PPP3CA: variants seen among roughly 807,000 people sequenced by gnomAD.
PPP3CA encodes the protein CAM-PRP catalytic subunit.
Under a neutral mutation model 66.5 loss-of-function variants are expected in PPP3CA, and 14 were observed. The observed-to-expected ratio is 0.21, with a 90% confidence interval of 0.14 to 0.33. The LOEUF (loss-of-function observed/expected upper bound fraction) is 0.33, where lower values mean the gene tolerates loss of function less well. PPP3CA is among the 10% of genes least tolerant of loss of function. The pLI, the probability that PPP3CA is intolerant of heterozygous loss-of-function variation, is 1.00. For missense variants in PPP3CA, 317 were observed against 639.5 expected, an observed-to-expected ratio of 0.50 and a Z score of 5.44; for synonymous variants, 232 against 226.2, an observed-to-expected ratio of 1.03 and a Z score of -0.23.
intron 1 of PPP3CA, among the ~76,000 whole-genome samples, chr4:101,264,754 A>C (rs1727117648): frequency 6.6e-6 from 1 of 152,222 alleles, no homozygotes; most frequent in African/African-American, 2.4e-5. Context: ...ATTCAAGAAA[A>C]GACAACAAAC....
At chr4:101,062,427 A>G (rs973134146) in intron 9 of PPP3CA, among the ~76,000 whole-genome samples, 1 of 152,038 alleles carries the variant, frequency 6.6e-6, no homozygotes, top group Non-Finnish European at 1.5e-5. Flanking sequence ...GATACTCCTC[A>G]TAGAACATCA....
intron 2 of PPP3CA, among the ~76,000 whole-genome samples, chr4:101,129,215 G>A (rs1253033403): frequency 6.6e-6 from 1 of 152,176 alleles, no homozygotes; most frequent in Non-Finnish European, 1.5e-5. Flanking sequence ...TCTCTGGGCA[G>A]GGCATCTCTG....
intron 1 of PPP3CA, among the ~76,000 whole-genome samples, chr4:101,301,321 C>G (rs1238908838): frequency 1.3e-5 from 2 of 150,958 alleles, no homozygotes; most frequent in Admixed American, 6.6e-5. Flanking sequence ...TAGGCCCTCC[C>G]TACTCAAACA....
At chr4:101,281,752 AAAAC>A (rs1727691874) in intron 1 of PPP3CA, among the ~76,000 whole-genome samples, 1 of 152,230 alleles carries the variant, frequency 6.6e-6, no homozygotes, top group African/African-American at 2.4e-5. Flanking sequence ...CTCAAGTAAG[AAAAC>A]AAACTAGGTT....
chr4:101,078,616 A>G (rs1729291086), intron 8 of PPP3CA, among the ~76,000 whole-genome samples: 1 of 152,182 alleles, frequency 6.6e-6, no homozygotes, highest in Non-Finnish European at 1.5e-5. Flanking sequence ...TTAAAAATCA[A>G]ATCATACTGT....
At position 101,201,785 on chromosome 4, in the gene PPP3CA, G is replaced by C. The variant is rs146418270; in HGVS notation, c.59-5669C>G. ...CACAGCTTAAAACACTTTCTGGCCT[G>C]ACCTCCTTAGATTGGAACACCATCT... On this transcript the variant is annotated intron_variant, in intron 1 of 13. Coordinates refer to ENST00000394854, the MANE Select transcript of PPP3CA (RefSeq NM_000944.5). 9.0e-3 allele frequency among the ~76,000 whole-genome samples: 1,368 copies of C among 152,286 alleles called. 24 individuals are homozygous for C. The highest frequency in any genetic ancestry group is 0.031 in the African/African-American group (1,290 of 41,542).
intron 1 of PPP3CA, among the ~76,000 whole-genome samples, chr4:101,335,868 T>C (rs556113257): frequency 1.8e-4 from 28 of 152,234 alleles, no homozygotes; most frequent in South Asian, 6.2e-4. Context: ...GGGACTCCAA[T>C]AGACTGACCT....
intron 1 of PPP3CA, among the ~76,000 whole-genome samples, chr4:101,310,980 AAAAT>A (rs1410829476): frequency 6.6e-6 from 1 of 152,214 alleles, no homozygotes; most frequent in Admixed American, 6.5e-5. Context: ...TTTGAAGCAA[AAAAT>A]AAATAAGCTT....
chr4:101,115,297 A>G (rs1721805409), intron 2 of PPP3CA, among the ~76,000 whole-genome samples: 1 of 151,994 alleles, frequency 6.6e-6, no homozygotes, highest in African/African-American at 2.4e-5. Flanking sequence ...GCCTTTGAGA[A>G]TAGAATCTTG....
intron 3 of PPP3CA, among the ~76,000 whole-genome samples, chr4:101,106,395 A>AAGAAAGAAAGAG: frequency 1.4e-4 from 1 of 6,942 alleles, no homozygotes; most frequent in Non-Finnish European, 3.2e-4. Flanking sequence ...GAAAGAAAGA[A>AAGAAAGAAAGAG]AGAAAGAAAG....
rs765135363 is a variant in PPP3CA, at chr4:101,271,875, T to C, written c.58+74864A>G. Among the ~76,000 whole-genome samples, 7 of 152,208 alleles carry C rather than the reference T, an allele frequency of 4.6e-5. No homozygotes were observed. The East Asian group carries it at 5.8e-4, about 13-fold the overall frequency. ...CAAAACACAAACAACAAAAGTGCTG[T>C]TGGTGAATAAATGTCTATGTTGCTC... On this transcript the variant is annotated intron_variant, in intron 1 of 13. Coordinates refer to ENST00000394854, the MANE Select transcript of PPP3CA (RefSeq NM_000944.5).
intron 10 of PPP3CA, among the ~76,000 whole-genome samples, chr4:101,057,744 C>T (rs544393296): frequency 1.3e-5 from 2 of 152,116 alleles, no homozygotes; most frequent in Admixed American, 6.6e-5. Context: ...TCAATCATAA[C>T]CTATCGTGAA....
chr4:101,124,763 GAAAGAA>G (rs1174574045), intron 2 of PPP3CA, among the ~76,000 whole-genome samples: 2 of 127,890 alleles, frequency 1.6e-5, no homozygotes, highest in Non-Finnish European at 3.3e-5. Flanking sequence ...AAGAAAGAAA[GAAAGAA>G]AGAAAGAAAG....
chr4:101,300,923 T>A (rs1342091378), intron 1 of PPP3CA, among the ~76,000 whole-genome samples: 2 of 152,192 alleles, frequency 1.3e-5, no homozygotes. Flanking sequence ...TTTCTATCAC[T>A]ATGTATAAAT....
chr4:101,347,339 T>C lies in PPP3CA; in HGVS notation c.-543A>G. On this transcript the variant is annotated 5_prime_UTR_variant, in exon 1 of 14. Coordinates refer to ENST00000394854, the MANE Select transcript of PPP3CA (RefSeq NM_000944.5). Reference sequence around the variant, plus strand: ...CGGCCGCCGCTGCTGCCGCTGCTGCTGCCGCTGCCGCTGTTGCTGCTGCCG... The same window carrying C: ...CGGCCGCCGCTGCTGCCGCTGCTGCCGCCGCTGCCGCTGTTGCTGCTGCCG... 9.8e-6 allele frequency: 2 copies of C among 203,590 alleles called. No homozygotes were observed. The highest frequency in any genetic ancestry group is 6.9e-5 in the South Asian group (1 of 14,390). The allele number at this position is 203,590 out of a possible 1,614,324, so 12.6% of individuals were successfully genotyped here. A position where few individuals can be genotyped will look rare whatever the true frequency, so the allele number is the denominator to read the frequency against.
intron 2 of PPP3CA, among the ~76,000 whole-genome samples, chr4:101,154,975 C>G (rs1011267404): frequency 6.6e-5 from 10 of 152,026 alleles, no homozygotes; most frequent in Admixed American, 1.3e-4. Context: ...TGCCACCACA[C>G]CCAGCTAATT....
chr4:101,311,467 G>A (rs980403374), intron 1 of PPP3CA, among the ~76,000 whole-genome samples: 3 of 152,142 alleles, frequency 2.0e-5, no homozygotes, highest in Admixed American at 2.0e-4. Context: ...TATATTGTAA[G>A]GCAATACTAA....
chr4:101,024,853 A>C lies in PPP3CA; in HGVS notation c.*1012T>G, dbSNP rs1207093054. On this transcript the variant is annotated 3_prime_UTR_variant, in exon 14 of 14. Coordinates refer to ENST00000394854, the MANE Select transcript of PPP3CA (RefSeq NM_000944.5). Reference sequence around the variant, plus strand: ...ATATAAAGTACGCCAGTATACATACATTTCCAGTATATGTCAGACCACTAA... The same window carrying C: ...ATATAAAGTACGCCAGTATACATACCTTTCCAGTATATGTCAGACCACTAA... 6.6e-6 allele frequency: 1 copy of C among 152,490 alleles called. No individual in the cohort carries two copies. The highest frequency in any genetic ancestry group is 1.5e-5 in the Non-Finnish European group (1 of 68,024). 9.4% of individuals were successfully genotyped at this position (152,490 alleles called of 1,614,324 possible).
Position 101,329,348 on chromosome 4 carries a change from G to A in PPP3CA, c.58+17391C>T, listed in dbSNP as rs545488090. On this transcript the variant is annotated intron_variant, in intron 1 of 13. Coordinates refer to ENST00000394854, the MANE Select transcript of PPP3CA (RefSeq NM_000944.5). Reference sequence around the variant, plus strand: ...TTCCATGAAGGCTGAGAGAGGTGAGGAAGCTGCAGAGAAAAAGTTGGAAAT... The same window carrying A: ...TTCCATGAAGGCTGAGAGAGGTGAGAAAGCTGCAGAGAAAAAGTTGGAAAT... Among the ~76,000 whole-genome samples, 66 of 152,286 alleles carry A rather than the reference G, an allele frequency of 4.3e-4. No individual in the cohort carries two copies. The South Asian group carries it at 5.6e-3, about 13-fold the overall frequency.
Sources: gnomAD v4.1 joint callset for allele counts (sites outside exome capture counted in the v4.1 genomes callset) on GRCh38, gnomAD v4.1.1 for gene constraint, MANE v1.5 for transcripts, NCBI Gene and HGNC (gene_info 2026-07-23, HGNC 2026-07-21) for gene names.